The following SLC2A13 variants were observed in gnomAD, a reference collection of about 807,000 sequenced individuals.
SLC2A13 encodes the protein solute carrier family 2 member 13.
A neutral mutation model predicts 64.4 loss-of-function variants in SLC2A13; 32 were observed. That is an observed-to-expected ratio of 0.50 (90% CI 0.37 to 0.67). The LOEUF is 0.67. SLC2A13 is among the 30% of genes least tolerant of loss of function. SLC2A13 has a pLI of 0.00. For synonymous variants in SLC2A13, 338 were observed against 327.1 expected (o/e 1.03, Z -0.36); for missense variants, 743 against 829.2 (o/e 0.90, Z 1.28).
chr12:40,008,633 A>G (rs1299855789), intron 3 of SLC2A13, among the ~76,000 whole-genome samples: 1 of 151,530 alleles, frequency 6.6e-6, no homozygotes, highest in East Asian at 1.9e-4. Context: ...AAAAAAGAAT[A>G]TGGAGAAACA....
rs1447901815 is a variant in SLC2A13, at chr12:40,028,375, C to T, written c.851G>A (p.Gly284Asp). ...KARRILSQMR[G>D]NQTIDEEYDS... ...ATATTCCTCATCAATGGTCTGGTTA[C>T]CACGCATCTGAGATAAAATTCTACG... is the stretch of plus-strand genomic sequence containing the variant. The change falls in exon 3 of 10, where the codon GGT becomes GAT. Residue 284 changes from glycine (G) to aspartate (D), a missense_variant. Physicochemically the swap from Gly to Asp is moderately conservative, Grantham distance 94 (BLOSUM62 -1). Around this residue, in one of 2 missense-constraint regions of SLC2A13, gnomAD observed 448 missense variants for 447.4 expected, o/e 1.00. Coordinates refer to ENST00000280871, the MANE Select transcript of SLC2A13 (RefSeq NM_052885.4). 1.2e-6 allele frequency: 2 copies of T among 1,613,858 alleles called. No homozygotes were observed. Among genetic ancestry groups the T allele is most frequent in the Non-Finnish European group, 8.5e-7 (1 of 1,179,974 alleles).
intron 3 of SLC2A13, among the ~76,000 whole-genome samples, chr12:39,962,488 A>G (rs2136116333): frequency 6.6e-6 from 1 of 152,326 alleles, no homozygotes; most frequent in South Asian, 2.1e-4. Context: ...ATTTCTTAGA[A>G]TACTCACAGT....
At chr12:39,765,872 C>T (rs1001570864) in intron 7 of SLC2A13, among the ~76,000 whole-genome samples, 4 of 152,040 alleles carry the variant, frequency 2.6e-5, no homozygotes, top group Non-Finnish European at 5.9e-5. Context: ...TATCCTGATG[C>T]TCTCCCTCCT....
rs752141529 is a variant in SLC2A13 at position 39,871,914 on chromosome 12, C to T, written c.1082G>A (p.Arg361Lys). The T allele has an allele frequency of 1.9e-6, 3 of 1,610,488 alleles. No homozygotes were observed. In the South Asian group the frequency reaches 3.3e-5, roughly 18 times the overall value. The change falls in exon 5 of 10, where the codon AGA becomes AAA. Residue 361 changes from arginine to lysine, a missense_variant. Coordinates refer to ENST00000280871, the MANE Select transcript of SLC2A13 (RefSeq NM_052885.4). ...AACTGAAGCCAGCCATATTGCAAGT[C>T]TATCATCTTCAACACCAGACATCTG... Reference protein sequence around the residue: ...ILQMSGVEDDRLAIWLASVTA... With the variant: ...ILQMSGVEDDKLAIWLASVTA...
chr12:39,990,227 C>A (rs1001605361), intron 3 of SLC2A13, among the ~76,000 whole-genome samples: 1 of 152,152 alleles, frequency 6.6e-6, no homozygotes, highest in Non-Finnish European at 1.5e-5. Context: ...ATCTTCCTCC[C>A]ACTGGAAAGT....
At chr12:39,885,064 T>C (rs1320324993) in intron 4 of SLC2A13, among the ~76,000 whole-genome samples, 1 of 152,222 alleles carries the variant, frequency 6.6e-6, no homozygotes, top group East Asian at 1.9e-4. Context: ...GACAGTGATA[T>C]GAATTGTGAC....
chr12:40,029,616 C>T (rs1167684569), intron 2 of SLC2A13, among the ~76,000 whole-genome samples: 1 of 152,126 alleles, frequency 6.6e-6, no homozygotes, highest in East Asian at 1.9e-4. Context: ...AATAAGTCTG[C>T]TATTTTCCAA....
intron 4 of SLC2A13, among the ~76,000 whole-genome samples, chr12:39,886,815 G>C (rs1246750216): frequency 1.3e-5 from 2 of 152,172 alleles, no homozygotes; most frequent in Admixed American, 6.6e-5. Context: ...AGACTCACTT[G>C]CAGAGTTGGA....
chr12:40,071,224 T>C (rs1020492671), intron 1 of SLC2A13, among the ~76,000 whole-genome samples: 2 of 152,152 alleles, frequency 1.3e-5, no homozygotes, highest in Non-Finnish European at 2.9e-5. Context: ...ACTTTTTAGT[T>C]ATTCTTCTTA....
At chr12:39,833,780 C>A (rs192010686) in intron 6 of SLC2A13, among the ~76,000 whole-genome samples, 1 of 151,722 alleles carries the variant, frequency 6.6e-6, no homozygotes, top group East Asian at 1.9e-4. Context: ...CCACAAATTT[C>A]TTAGAAGATG....
In SLC2A13 at chr12:39,864,265, C is replaced by T. The variant is rs79525973; in HGVS notation, c.1319+497G>A. 6.0e-3 allele frequency among the ~76,000 whole-genome samples: 917 copies of T among 152,314 alleles called. 5 individuals are homozygous for T. The highest frequency in any genetic ancestry group is 0.021 in the African/African-American group (856 of 41,560). On this transcript the variant is annotated intron_variant, in intron 6 of 9. Coordinates refer to ENST00000280871, the MANE Select transcript of SLC2A13 (RefSeq NM_052885.4). Reference sequence around the variant, plus strand: ...TTCTTTCACCATCACTTTTTACTTCCTGATCCTCTGAAAGAGCCTCAGTAC... The same window carrying T: ...TTCTTTCACCATCACTTTTTACTTCTTGATCCTCTGAAAGAGCCTCAGTAC...
intron 3 of SLC2A13, among the ~76,000 whole-genome samples, chr12:40,013,255 A>G (rs1947562536): frequency 6.6e-6 from 1 of 152,142 alleles, no homozygotes; most frequent in South Asian, 2.1e-4. Flanking sequence ...ATACAGTGAG[A>G]AAGGGATGGA....
chr12:40,039,712 C>T (rs982713890), intron 2 of SLC2A13, among the ~76,000 whole-genome samples: 3 of 152,162 alleles, frequency 2.0e-5, no homozygotes, highest in Non-Finnish European at 4.4e-5. Flanking sequence ...GTACAGAGAT[C>T]TCCCACACAC....
At chr12:39,806,548 G>A (rs1592154941) in intron 7 of SLC2A13, among the ~76,000 whole-genome samples, 2 of 152,274 alleles carry the variant, frequency 1.3e-5, no homozygotes, top group East Asian at 1.9e-4. Flanking sequence ...AAAAAGTCAT[G>A]TTCTCAGTTG....
chr12:40,072,441 C>T (rs965770070), intron 1 of SLC2A13, among the ~76,000 whole-genome samples: 1 of 152,020 alleles, frequency 6.6e-6, no homozygotes, highest in Non-Finnish European at 1.5e-5. Context: ...AATGTCTGTA[C>T]TGATTTTCTG....
intron 4 of SLC2A13, among the ~76,000 whole-genome samples, chr12:39,892,896 T>C (rs938638395): frequency 9.9e-5 from 15 of 152,198 alleles, no homozygotes; most frequent in African/African-American, 3.1e-4. Context: ...TGTAGAGCTT[T>C]AACACTGTCA....
chr12:39,866,097 A>G (rs1412536892), intron 5 of SLC2A13, among the ~76,000 whole-genome samples: 1 of 152,260 alleles, frequency 6.6e-6, no homozygotes, highest in African/African-American at 2.4e-5. Flanking sequence ...AGTTTAAAAC[A>G]TGGAATTTAG....
At chr12:39,953,949 A>G (rs1946275272) in intron 3 of SLC2A13, among the ~76,000 whole-genome samples, 1 of 152,218 alleles carries the variant, frequency 6.6e-6, no homozygotes, top group Non-Finnish European at 1.5e-5. Flanking sequence ...CCTAGCCTAC[A>G]GAAGGTTTTC....
chr12:40,081,534 G>T (rs544373154), intron 1 of SLC2A13, among the ~76,000 whole-genome samples: 51 of 152,114 alleles, frequency 3.4e-4, no homozygotes, highest in Non-Finnish European at 7.4e-4. Flanking sequence ...ACCTCTAGAA[G>T]AACAGTTTCT....
Sources: gnomAD v4.1 joint callset for allele counts (sites outside exome capture counted in the v4.1 genomes callset) on GRCh38, gnomAD v4.1.1 for gene constraint, gnomAD v4.1.1 regional missense constraint, MANE v1.5 for transcripts, NCBI Gene and HGNC (gene_info 2026-07-23, HGNC 2026-07-21) for gene names.